Variants in SHANK2 observed in about 807,000 individuals in gnomAD.
SHANK2 encodes SH3 and multiple ankyrin repeat domains 2, also known as SH3 and multiple ankyrin repeat domains protein 2.
Under a neutral mutation model 133.7 loss-of-function variants are expected in SHANK2, and 43 were observed. The observed-to-expected ratio is 0.32, with a 90% CI of 0.25 to 0.41. The LOEUF (loss-of-function observed/expected upper bound fraction) is 0.41, where lower values mean the gene tolerates loss of function less well. Ranked by LOEUF, SHANK2 falls within the 10% of genes least tolerant of loss-of-function variation. The pLI is 1.00. For synonymous variants in SHANK2, 1,017 were observed against 952.8 expected (o/e 1.07, Z -1.24); for missense variants, 1,994 against 2,235.8 (o/e 0.89, Z 2.18).
chr11:71,124,744 T>C (rs1255857215), intron 3 of SHANK2, among the ~76,000 whole-genome samples: 3 of 152,166 alleles, frequency 2.0e-5, no homozygotes, highest in Non-Finnish European at 4.4e-5. Flanking sequence ...CTGCCAATCT[T>C]AGTGCAGGCA....
chr11:70,566,883 T>G (rs1443200936), intron 17 of SHANK2, among the ~76,000 whole-genome samples: 1 of 152,226 alleles, frequency 6.6e-6, no homozygotes, highest in African/African-American at 2.4e-5. Context: ...AAAAGCCTCA[T>G]GCCTTTGAAG....
chr11:70,472,696 G>C lies in SHANK2; in HGVS notation c.*173C>G. On this transcript the variant is annotated 3_prime_UTR_variant, in exon 26 of 26. Transcript: ENST00000601538. This position sits in a 1 kb window ranked among gnomAD's most constrained non-coding sequence, Gnocchi z 4.4. Reference sequence around the variant, plus strand: ...AAGACACCCACATGGTGAGCCAGGGGTCTGAAGACCCAGCCATGTTGTGGA... The same window carrying C: ...AAGACACCCACATGGTGAGCCAGGGCTCTGAAGACCCAGCCATGTTGTGGA... 1.5e-6 allele frequency: 1 copy of C among 682,394 alleles called. No homozygotes were observed. The highest frequency in any genetic ancestry group is 1.7e-5 in the South Asian group (1 of 58,150). 42.3% of individuals were successfully genotyped at this position (682,394 alleles called of 1,614,324 possible).
At position 70,471,153 on chromosome 11, in the gene SHANK2, G is replaced by C. The variant is rs1371513355; in HGVS notation, c.*1716C>G. ...CCACTTTTTTTTCTTAAAATATTGT[G>C]CTTATAAACTATCTGTACAACTATT... On this transcript the variant is annotated 3_prime_UTR_variant, in exon 26 of 26. Transcript: ENST00000601538. The surrounding 1 kb of genome is among the most constrained non-coding windows in gnomAD (Gnocchi z 4.1). 2 of 397,220 alleles carry C rather than the reference G, an allele frequency of 5.0e-6. No individual in the cohort carries two copies. Among genetic ancestry groups the C allele is most frequent in the Non-Finnish European group, 8.9e-6 (2 of 225,696 alleles). The allele number at this position is 397,220 out of a possible 1,614,324, so 24.6% of individuals were successfully genotyped here. A position where few individuals can be genotyped will look rare whatever the true frequency, so the allele number is the denominator to read the frequency against.
intron 15 of SHANK2, among the ~76,000 whole-genome samples, chr11:70,674,506 G>A (rs1944873132): frequency 6.6e-6 from 1 of 152,166 alleles, no homozygotes; most frequent in Non-Finnish European, 1.5e-5. Flanking sequence ...CCGCCACCAG[G>A]CCTGTCTACT....
chr11:70,892,161 C>T (rs782627469), intron 11 of SHANK2, among the ~76,000 whole-genome samples: 21 of 152,190 alleles, frequency 1.4e-4, no homozygotes, highest in Non-Finnish European at 3.1e-4. Context: ...ATCAGTCCAT[C>T]CATTCTCAGA....
rs1555012764 is a variant in SHANK2, at chr11:70,659,848, T to A, written c.2041A>T (p.Thr681Ser). The A allele has an allele frequency of 6.2e-7, 1 of 1,613,998 alleles. No individual in the cohort carries two copies. Among genetic ancestry groups the A allele is most frequent in the African/African-American group, 1.3e-5 (1 of 74,962 alleles). The change falls in exon 17 of 26, where the codon ACC becomes TCC. Residue 681 changes from threonine to serine, a missense_variant. Transcript: ENST00000601538. ...CCTACCTCAATCAAGAAGTCCCCGG[T>A]CCTTAGTCCGGCTTGCCACGCCACC... Reference protein sequence around the residue: ...GGVAWQAGLRTGDFLIEVNNE... With the variant: ...GGVAWQAGLRSGDFLIEVNNE...
chr11:70,622,600 C>T (rs568540040), intron 17 of SHANK2, among the ~76,000 whole-genome samples: 1 of 152,212 alleles, frequency 6.6e-6, no homozygotes, highest in South Asian at 2.1e-4. Context: ...GGTGCCCTCC[C>T]CTTGGCTTGT....
chr11:70,781,943 T>C (rs1947506948), intron 14 of SHANK2, among the ~76,000 whole-genome samples: 1 of 152,010 alleles, frequency 6.6e-6, no homozygotes, highest in African/African-American at 2.4e-5. Context: ...TAAAAAATGA[T>C]GAGCTCATGT....
chr11:70,588,964 C>T (rs1266769036), intron 17 of SHANK2, among the ~76,000 whole-genome samples: 4 of 152,276 alleles, frequency 2.6e-5, no homozygotes, highest in East Asian at 1.9e-4. Context: ...ACTACAGGCG[C>T]CCGCCACCAC....
rs1554973942 is a variant in SHANK2 at position 70,535,158 on chromosome 11, T to C, written c.2062-32227A>G. Among the ~76,000 whole-genome samples, 2 of 152,094 alleles carry C rather than the reference T, an allele frequency of 1.3e-5. No individual in the cohort carries two copies. The highest frequency in any genetic ancestry group is 2.4e-5 in the African/African-American group (1 of 41,404). On this transcript the variant is annotated intron_variant, in intron 17 of 25. Transcript: ENST00000601538. The surrounding 1 kb of genome is among the most constrained non-coding windows in gnomAD (Gnocchi z 4.3). ...CCAGGGATGGTTCCCACGAACACCT[T>C]CCTCCCTCCCACCCTCTATTATCCA...
chr11:71,096,335 G>T (rs1161670338), intron 6 of SHANK2, among the ~76,000 whole-genome samples: 1 of 152,192 alleles, frequency 6.6e-6, no homozygotes, highest in Non-Finnish European at 1.5e-5. Context: ...CAAGGGGTGT[G>T]GGGATTGAGA....
At chr11:70,883,642 G>C (rs1949692243) in intron 11 of SHANK2, among the ~76,000 whole-genome samples, 2 of 152,186 alleles carry the variant, frequency 1.3e-5, no homozygotes, top group South Asian at 2.1e-4. Context: ...GTGTGGAGCA[G>C]GACAGAGCAA....
chr11:70,609,372 G>A (rs1279578172), intron 17 of SHANK2, among the ~76,000 whole-genome samples: 1 of 152,208 alleles, frequency 6.6e-6, no homozygotes, highest in African/African-American at 2.4e-5. Context: ...GAAAGATGAT[G>A]ACCTGGCGTG....
At chr11:71,171,083 C>T (rs1464918584) in intron 2 of SHANK2, among the ~76,000 whole-genome samples, 3 of 152,200 alleles carry the variant, frequency 2.0e-5, no homozygotes, top group Non-Finnish European at 4.4e-5. Flanking sequence ...AGCACGGCCT[C>T]GTCTTTTTGC....
At chr11:70,610,703 A>G (rs988612500) in intron 17 of SHANK2, among the ~76,000 whole-genome samples, 1 of 152,336 alleles carries the variant, frequency 6.6e-6, no homozygotes, top group African/African-American at 2.4e-5. Flanking sequence ...GGCAGCCGGC[A>G]CAATGCCAGC....
chr11:70,850,039 C>T (rs1432034025), intron 11 of SHANK2, among the ~76,000 whole-genome samples: 1 of 152,106 alleles, frequency 6.6e-6, no homozygotes, highest in African/African-American at 2.4e-5. Context: ...ATCATCCTAC[C>T]CTCTGTTTCT....
intron 17 of SHANK2, among the ~76,000 whole-genome samples, chr11:70,657,171 C>T (rs2134244554): frequency 6.6e-6 from 1 of 152,286 alleles, no homozygotes; most frequent in South Asian, 2.1e-4. Flanking sequence ...GAAGGCTTGC[C>T]AAGGGCTGCT....
Position 70,471,093 on chromosome 11 carries a change from C to T in SHANK2, c.*1776G>A, listed in dbSNP as rs1314210301. 11 of 395,066 alleles carry T rather than the reference C, an allele frequency of 2.8e-5. No homozygotes were observed. The highest frequency in any genetic ancestry group is 2.1e-4 in the African/African-American group (10 of 48,528). The allele number at this position is 395,066 out of a possible 1,614,324, so 24.5% of individuals were successfully genotyped here. A position where few individuals can be genotyped will look rare whatever the true frequency, so the allele number is the denominator to read the frequency against. On this transcript the variant is annotated 3_prime_UTR_variant, in exon 26 of 26. Coordinates refer to ENST00000601538, the MANE Select transcript of SHANK2 (RefSeq NM_012309.5). The surrounding 1 kb of genome is among the most constrained non-coding windows in gnomAD (Gnocchi z 4.1). ...AGTTTTTTTTTCTTTAACTTTCTAG[C>T]ACTGAAGTGGCACAAAGGCTGCCTA...
At position 70,485,291 on chromosome 11, in the gene SHANK2, A is replaced by G. The variant is rs1555152642; in HGVS notation, c.4979+23T>C. On this transcript the variant is annotated intron_variant, in intron 25 of 25. Coordinates refer to ENST00000601538, the MANE Select transcript of SHANK2 (RefSeq NM_012309.5). This position sits in a 1 kb window ranked among gnomAD's most constrained non-coding sequence, Gnocchi z 5.8. ...GGACAGTGCACGCAGAGCGGTGTGCATGTGCACCAACCGCGGACTTACCTT... is the reference window on the plus strand; with the variant it reads ...GGACAGTGCACGCAGAGCGGTGTGCGTGTGCACCAACCGCGGACTTACCTT... 1 of 1,595,106 alleles carries G rather than the reference A, an allele frequency of 6.3e-7. No individual in the cohort carries two copies. The highest frequency in any genetic ancestry group is 1.7e-5 in the Admixed American group (1 of 60,014).
Sources: gnomAD v4.1 joint callset for allele counts (sites outside exome capture counted in the v4.1 genomes callset) on GRCh38, gnomAD v4.1.1 for gene constraint, Gnocchi (gnomAD v3.1) non-coding constraint, MANE v1.5 for transcripts, NCBI Gene and HGNC (gene_info 2026-07-23, HGNC 2026-07-21) for gene names.